Variants in ABCC1 observed in about 807,000 individuals in gnomAD.
ABCC1 encodes the protein multidrug resistance-associated protein 1.
A neutral mutation model predicts 172.9 loss-of-function variants in ABCC1; 83 were observed. The observed-to-expected ratio is 0.48, with a 90% CI of 0.40 to 0.58. The LOEUF is 0.58. ABCC1 is among the 20% of genes least tolerant of loss of function. The probability of loss-of-function intolerance (pLI) is 0.00; values close to 1 mark genes in which losing one functional copy is unlikely to be tolerated. For missense variants in ABCC1, 1,817 were observed against 2,002.7 expected (o/e 0.91, Z 1.77); for synonymous variants, 937 against 825.2 (o/e 1.14, Z -2.32).
In ABCC1 at chr16:16,056,369, A is replaced by T. The variant is rs775000467; in HGVS notation, c.1677+74A>T. 5.1e-4 allele frequency: 782 copies of T among 1,533,202 alleles called. 1 individual carries two copies. The highest frequency in any genetic ancestry group is 6.4e-4 in the Non-Finnish European group (714 of 1,121,738). 95.0% of individuals were successfully genotyped at this position (1,533,202 alleles called of 1,614,324 possible). A position where few individuals can be genotyped will look rare whatever the true frequency, so the allele number is the denominator to read the frequency against. On this transcript the variant is annotated intron_variant, in intron 12 of 30. Transcript: ENST00000399410. ...TTCTCTGCGTACCTGAATATTTTTAAAAGGTCACTATGTTGCCCAGGTGCA... is the reference window on the plus strand; with the variant it reads ...TTCTCTGCGTACCTGAATATTTTTATAAGGTCACTATGTTGCCCAGGTGCA...
intron 1 of ABCC1, among the ~76,000 whole-genome samples, chr16:15,999,344 G>A (rs2047166236): frequency 6.6e-6 from 1 of 151,728 alleles, no homozygotes; most frequent in East Asian, 2.0e-4. Flanking sequence ...CGCTGGGTGC[G>A]ATGGCTCACG....
At chr16:16,060,263 G>A (rs1305068036) in intron 12 of ABCC1, among the ~76,000 whole-genome samples, 1 of 152,136 alleles carries the variant, frequency 6.6e-6, no homozygotes, top group African/African-American at 2.4e-5. Context: ...ACTGGGCCCT[G>A]TCCTCCTTCC....
intron 27 of ABCC1, 34 bp from the exon 28 acceptor site, chr16:16,134,316 A>G: frequency 1.9e-6 from 3 of 1,612,028 alleles, no homozygotes; most frequent in Non-Finnish European, 2.5e-6. Context: ...GGATGCCAGC[A>G]TTCCCACCAC....
chr16:16,070,856 A>G (rs896790656), intron 13 of ABCC1, among the ~76,000 whole-genome samples: 2 of 152,146 alleles, frequency 1.3e-5, no homozygotes, highest in Non-Finnish European at 2.9e-5. Flanking sequence ...TCTACCCACA[A>G]ATATTTCAGC....
chr16:16,093,797 C>T (rs1454534938), intron 19 of ABCC1, among the ~76,000 whole-genome samples: 1 of 151,746 alleles, frequency 6.6e-6, no homozygotes, highest in Non-Finnish European at 1.5e-5. Flanking sequence ...TTAATCAGCT[C>T]TTTTTTTTAG....
intron 29 of ABCC1, 88 bp from the exon 30 acceptor site, chr16:16,138,276 C>G (rs926158591): frequency 7.7e-7 from 1 of 1,303,612 alleles, no homozygotes. Context: ...TAGAGTGTCT[C>G]CTTTCGCTTC....
intron 1 of ABCC1, among the ~76,000 whole-genome samples, chr16:15,963,867 T>G (rs1216003970): frequency 6.6e-6 from 1 of 152,224 alleles, no homozygotes; most frequent in Non-Finnish European, 1.5e-5. Context: ...TTGTTACTTT[T>G]GCAAGTTTCT....
At chr16:16,008,912 CT>C (rs2047660406) in intron 2 of ABCC1, among the ~76,000 whole-genome samples, 1 of 147,722 alleles carries the variant, frequency 6.8e-6, no homozygotes, top group African/African-American at 2.5e-5. Flanking sequence ...CTATCCATCA[CT>C]CATAGTCACT....
At chr16:16,108,496 C>T (rs575866168) in intron 21 of ABCC1, among the ~76,000 whole-genome samples, 7 of 151,914 alleles carry the variant, frequency 4.6e-5, no homozygotes, top group South Asian at 2.1e-4. Flanking sequence ...GTCTCAAACT[C>T]CTGACCTTGT....
intron 1 of ABCC1, among the ~76,000 whole-genome samples, chr16:15,960,682 G>A (rs1377900244): frequency 6.6e-6 from 1 of 152,172 alleles, no homozygotes; most frequent in African/African-American, 2.4e-5. Context: ...TTTGACCCCA[G>A]AGCTCAGTGG....
At position 16,071,708 on chromosome 16, in the gene ABCC1, G is replaced by A. The variant is rs777878081; in HGVS notation, c.1891G>A (p.Glu631Lys). The change falls in exon 14 of 31, where the codon GAG (glutamate) becomes AAG (lysine). Residue 631 changes from glutamate to lysine, a missense_variant. Glu to Lys is a moderately conservative substitution (Grantham distance 56). Coordinates refer to ENST00000399410, the MANE Select transcript of ABCC1 (RefSeq NM_004996.4). ...SHEELEPDSI[E>K]RRPVKDGGGT... ...TGAGGAGCTGGAACCTGACAGCATCGAGCGACGGCCTGTCAAAGACGGTGT... is the reference window on the plus strand; with the variant it reads ...TGAGGAGCTGGAACCTGACAGCATCAAGCGACGGCCTGTCAAAGACGGTGT... 4.3e-6 allele frequency: 7 copies of A among 1,613,836 alleles called. No homozygotes were observed. The South Asian group carries it at 6.6e-5, about 15-fold the overall frequency.
At chr16:16,055,379 G>A (rs1459528171) in intron 11 of ABCC1, among the ~76,000 whole-genome samples, 2 of 151,704 alleles carry the variant, frequency 1.3e-5, no homozygotes, top group East Asian at 1.9e-4. Context: ...GTGAAGCCCC[G>A]TCTCTACTAA....
intron 1 of ABCC1, among the ~76,000 whole-genome samples, chr16:15,978,702 T>TA (rs1255525200): frequency 1.3e-5 from 2 of 152,096 alleles, no homozygotes; most frequent in African/African-American, 4.8e-5. Context: ...AGTCACTAAA[T>TA]ACTGGTGGCA....
intron 12 of ABCC1, among the ~76,000 whole-genome samples, chr16:16,067,267 A>G (rs975807448): frequency 2.0e-5 from 3 of 152,118 alleles, no homozygotes; most frequent in Non-Finnish European, 2.9e-5. Flanking sequence ...CCCTCTTGAC[A>G]TCGGAGCCTG....
chr16:16,065,314 G>A (rs1052288702), intron 12 of ABCC1, among the ~76,000 whole-genome samples: 1 of 152,138 alleles, frequency 6.6e-6, no homozygotes, highest in Non-Finnish European at 1.5e-5. Context: ...CCAGGCTGGT[G>A]CGGGGGCACA....
chr16:16,037,150 G>C (rs561000277), intron 7 of ABCC1, among the ~76,000 whole-genome samples: 1 of 152,038 alleles, frequency 6.6e-6, no homozygotes, highest in East Asian at 1.9e-4. Context: ...AGTTGATGCT[G>C]TCTGCCATGG....
intron 26 of ABCC1, among the ~76,000 whole-genome samples, chr16:16,131,120 CA>C (rs112151630): frequency 2.1e-5 from 3 of 145,534 alleles, no homozygotes; most frequent in Admixed American, 1.4e-4. Context: ...GACTCCATCT[CA>C]AAAAAAAAAG....
At chr16:16,025,950 G>A (rs2048354017) in intron 5 of ABCC1, among the ~76,000 whole-genome samples, 1 of 152,206 alleles carries the variant, frequency 6.6e-6, no homozygotes, top group Admixed American at 6.5e-5. Context: ...CCCCCTGGAG[G>A]TGGCTCTGTC....
intron 23 of ABCC1, among the ~76,000 whole-genome samples, chr16:16,120,591 C>T (rs911577933): frequency 4.6e-5 from 7 of 151,966 alleles, no homozygotes; most frequent in Non-Finnish European, 7.4e-5. Context: ...CACTGAAGCC[C>T]GGAGAAGGTG....
Sources: allele counts gnomAD v4.1 joint callset (sites outside exome capture counted in the v4.1 genomes callset), GRCh38; gene constraint gnomAD v4.1.1; transcripts MANE v1.5; gene names NCBI Gene and HGNC (gene_info 2026-07-23, HGNC 2026-07-21).